The following PLEKHA6 variants were observed in gnomAD, a reference collection of about 807,000 sequenced individuals.
PLEKHA6 encodes the protein pleckstrin homology domain containing A6.
PLEKHA6 carries 60 observed loss-of-function variants against 116.7 expected under a neutral mutation model. That is an observed-to-expected ratio of 0.51 (90% CI 0.42 to 0.64). The LOEUF is 0.64. PLEKHA6 is among the 30% of genes least tolerant of loss of function. The pLI is 0.00. For missense variants in PLEKHA6, 1,338 were observed against 1,422.7 expected, an observed-to-expected ratio of 0.94 and a Z score of 0.96; for synonymous variants, 489 against 556.1, an observed-to-expected ratio of 0.88 and a Z score of 1.70.
rs1558070205 is a variant in PLEKHA6, at chr1:204,253,845, AAAAAAC to A, written c.1525-3237_1525-3232del. The stretch of plus-strand genomic sequence containing the variant: ...TGAGATCTTGTCTCAAAAAAAAAAA[AAAAAAC>A]AAAAACAAAAACAAACAAACAAACA... On this transcript the variant is annotated intron_variant, in intron 9 of 22. Transcript: ENST00000272203. Among the ~76,000 whole-genome samples the A allele has an allele frequency of 2.3e-3, 340 of 147,534 alleles. 5 individuals are homozygous for A. The highest frequency in any genetic ancestry group is 4.0e-3 in the East Asian group (20 of 5,038).
chr1:204,281,106 G>C (rs1366056560), intron 1 of PLEKHA6: 9 of 437,390 alleles, frequency 2.1e-5, no homozygotes, highest in Non-Finnish European at 2.7e-5. Context: ...AGGATCACTT[G>C]AGCCCAGGAG....
chr1:204,233,986 A>G (rs1211514845), intron 17 of PLEKHA6, among the ~76,000 whole-genome samples: 1 of 152,190 alleles, frequency 6.6e-6, no homozygotes, highest in African/African-American at 2.4e-5. Context: ...TGGGTATCAC[A>G]GGGTGGACTG....
intron 1 of PLEKHA6, among the ~76,000 whole-genome samples, chr1:204,318,635 GA>G (rs5780228): frequency 0.31 from 46,460 of 152,046 alleles, 7,326 homozygotes; most frequent in African/African-American, 0.38. Context: ...TTGAATTCAG[GA>G]AACAATAACT....
At position 204,259,598 on chromosome 1, in the gene PLEKHA6, G is replaced by A. The variant is rs758004158; in HGVS notation, c.667C>T (p.Pro223Ser). The A allele has an allele frequency of 2.5e-6, 4 of 1,614,090 alleles. No individual in the cohort carries two copies. The highest frequency in any genetic ancestry group is 1.1e-5 in the South Asian group (1 of 91,090). The change falls in exon 8 of 23, where the codon CCT (proline) becomes TCT (serine). Residue 223 changes from proline (P) to serine (S), a missense_variant. Coordinates refer to ENST00000272203, the MANE Select transcript of PLEKHA6 (RefSeq NM_014935.5). The surrounding 1 kb of genome is among the most constrained non-coding windows in gnomAD (Gnocchi z 4.6). ...GRGCEKAERR[P>S]ERPEVKKEPP... ...TCTTTCTTGACTTCTGGCCTCTCAG[G>A]CCTTCTCTCTGCCTTCTCACAGCCT...
intron 1 of PLEKHA6, among the ~76,000 whole-genome samples, chr1:204,275,964 T>C (rs1042124560): frequency 1.3e-5 from 2 of 152,180 alleles, no homozygotes; most frequent in African/African-American, 4.8e-5. Flanking sequence ...CTGGCTCTGC[T>C]TGACAAGTGG....
At chr1:204,362,317 G>A (rs111941858), upstream of PLEKHA6, among the ~76,000 whole-genome samples, 1 of 152,172 alleles carries the variant, frequency 6.6e-6, no homozygotes, top group African/African-American at 2.4e-5. Flanking sequence ...TGGCGTGAGG[G>A]AGGGAGGATT....
In PLEKHA6 at chr1:204,275,927, C is replaced by A. The variant is rs1208343701; in HGVS notation, c.-94-1118G>T. The A allele has an allele frequency of 2.6e-5, 4 of 153,568 alleles. No homozygotes were observed. The East Asian group carries it at 7.7e-4, about 30-fold the overall frequency. 9.5% of individuals were successfully genotyped at this position (153,568 alleles called of 1,614,324 possible). A position where few individuals can be genotyped will look rare whatever the true frequency, so the allele number is the denominator to read the frequency against. On this transcript the variant is annotated intron_variant, in intron 1 of 22. Transcript: ENST00000272203. The stretch of plus-strand genomic sequence containing the variant: ...TAGGACAGAGGCCACGGAGACAGGG[C>A]CACTCAAGCACACCCACAGCAAAGA...
At chr1:204,301,670 A>G (rs1302299713) in intron 1 of PLEKHA6, among the ~76,000 whole-genome samples, 1 of 152,190 alleles carries the variant, frequency 6.6e-6, no homozygotes, top group Non-Finnish European at 1.5e-5. Flanking sequence ...AGGAATTCCA[A>G]TTGTGAGGGG....
intron 1 of PLEKHA6, among the ~76,000 whole-genome samples, chr1:204,341,045 G>A (rs1256675861): frequency 2.6e-5 from 4 of 152,160 alleles, no homozygotes; most frequent in African/African-American, 7.2e-5. Context: ...CAGCACACCC[G>A]GTGCCTGGCC....
chr1:204,332,065 C>T (rs1672473799), intron 1 of PLEKHA6, among the ~76,000 whole-genome samples: 2 of 152,332 alleles, frequency 1.3e-5, no homozygotes, highest in Non-Finnish European at 1.5e-5. Flanking sequence ...ATCCACCTGC[C>T]TCCTGAGGGG....
rs139666400 is a variant in PLEKHA6, at chr1:204,268,311, G to T, written c.104C>A (p.Ala35Glu). 36 of 1,603,310 alleles carry T rather than the reference G, an allele frequency of 2.2e-5. No individual in the cohort carries two copies. The highest frequency in any genetic ancestry group is 2.8e-5 in the Non-Finnish European group (33 of 1,174,462). The change falls in exon 4 of 23, where the codon GCA becomes GAA. Residue 35 changes from alanine to glutamate, a missense_variant and splice_region_variant. Around this residue, in one of 3 missense-constraint regions of PLEKHA6, gnomAD observed 62 missense variants for 61.7 expected, o/e 1.01. Coordinates refer to ENST00000272203, the MANE Select transcript of PLEKHA6 (RefSeq NM_014935.5). ...EVPPERPSVR[A>E]TRTARKAVAF... The stretch of plus-strand genomic sequence containing the variant: ...GACGGCTTTGCGGGCTGTGCGAGTT[G>T]CCTGGGGGCAGAGAGAGAAGCTGAT...
chr1:204,256,288 CAGG>C (rs748228714), intron 9 of PLEKHA6, among the ~76,000 whole-genome samples: 1 of 152,112 alleles, frequency 6.6e-6, no homozygotes, highest in Non-Finnish European at 1.5e-5. Flanking sequence ...CAAAAGTTCT[CAGG>C]AGAACAAATT....
chr1:204,338,069 G>T (rs1672715831), intron 1 of PLEKHA6, among the ~76,000 whole-genome samples: 5 of 152,198 alleles, frequency 3.3e-5, no homozygotes, highest in Admixed American at 3.3e-4. Context: ...GGTTCCAAGA[G>T]GTTAAGCCTA....
chr1:204,248,459 C>T (rs1395444285), intron 12 of PLEKHA6, among the ~76,000 whole-genome samples: 1 of 152,208 alleles, frequency 6.6e-6, no homozygotes, highest in Non-Finnish European at 1.5e-5. Context: ...CAGCTGGCAG[C>T]AGCCTTTTTG....
Position 204,308,802 on chromosome 1 carries a change from C to T in PLEKHA6, c.-94-33993G>A, listed in dbSNP as rs188369121. 2.0e-4 allele frequency among the ~76,000 whole-genome samples: 29 copies of T among 145,686 alleles called. 1 individual carries two copies. Among genetic ancestry groups the T allele is most frequent in the African/African-American group, 7.2e-4 (28 of 39,154 alleles). On this transcript the variant is annotated intron_variant, in intron 1 of 22. Coordinates refer to ENST00000272203, the MANE Select transcript of PLEKHA6 (RefSeq NM_014935.5). ...CTCCCGGGTTCACGCCATTCTCCTC[C>T]CTCAGCCTCCCGAGTAGCTGGGACT...
intron 1 of PLEKHA6, among the ~76,000 whole-genome samples, chr1:204,338,255 G>A (rs1672721265): frequency 6.6e-6 from 1 of 152,096 alleles, no homozygotes; most frequent in African/African-American, 2.4e-5. Context: ...GCTCTACCAA[G>A]GAAGTCCCTT....
chr1:204,264,812 C>T, intron 6 of PLEKHA6, 130 bp downstream of exon 6: 1 of 743,624 alleles, frequency 1.3e-6, no homozygotes, highest in Non-Finnish European at 2.4e-6. Flanking sequence ...CCCAACCCAC[C>T]ACCACTGCTA....
At chr1:204,351,995 A>C (rs138976981) in intron 1 of PLEKHA6, among the ~76,000 whole-genome samples, 7,146 of 152,112 alleles carry the variant, frequency 0.047, 551 homozygotes, top group African/African-American at 0.16. Context: ...AATCGTTTGA[A>C]CCTGGCAGGC....
intron 9 of PLEKHA6, chr1:204,251,429 C>G: frequency 3.2e-6 from 2 of 627,714 alleles, no homozygotes; most frequent in African/African-American, 1.8e-5. Flanking sequence ...GGCAGATGAG[C>G]GGGTTGGGTG....
Sources: allele counts gnomAD v4.1 joint callset (sites outside exome capture counted in the v4.1 genomes callset), GRCh38; gene constraint gnomAD v4.1.1; regional missense constraint gnomAD v4.1.1; non-coding constraint Gnocchi (gnomAD v3.1); transcripts MANE v1.5; gene names NCBI Gene and HGNC (gene_info 2026-07-23, HGNC 2026-07-21).